The following PTRH1 variants were observed in gnomAD, a reference collection of about 807,000 sequenced individuals.
PTRH1 encodes the protein peptidyl-tRNA hydrolase.
A neutral mutation model predicts 15.7 loss-of-function variants in PTRH1; 13 were observed. That is an observed-to-expected ratio of 0.83 (90% confidence interval 0.54 to 1.31). The LOEUF (loss-of-function observed/expected upper bound fraction) is 1.31. Ranked by LOEUF, PTRH1 falls within the 40% of genes most tolerant of loss-of-function variation. PTRH1 has a pLI of 0.00. For synonymous variants in PTRH1, 139 were observed against 136.7 expected, an observed-to-expected ratio of 1.02 and a Z score of -0.12; for missense variants, 319 against 296.2, an observed-to-expected ratio of 1.08 and a Z score of -0.56.
At chr9:127,713,537 C>T (rs1255916182), downstream of PTRH1, 2 of 187,460 alleles carry the variant, frequency 1.1e-5, no homozygotes, top group Non-Finnish European at 9.6e-6. Context: ...GACAGAGTCT[C>T]ACTCTGTCAC....
intron 1 of PTRH1, chr9:127,706,928 T>C: frequency 7.1e-7 from 1 of 1,414,940 alleles, no homozygotes; most frequent in Non-Finnish European, 9.6e-7. Context: ...AGGGTCCCTT[T>C]AAGCCCAGCC....
At chr9:127,695,185 C>T (rs1220760018) in intron 1 of PTRH1, 3 of 657,960 alleles carry the variant, frequency 4.6e-6, no homozygotes, top group East Asian at 2.7e-5. Context: ...TAAAAAAGCC[C>T]AATGCTCATC....
chr9:127,712,944 G>A, downstream of PTRH1: 1 of 1,590,426 alleles, frequency 6.3e-7, no homozygotes, highest in Non-Finnish European at 8.6e-7. Context: ...TCAGCCATGG[G>A]GACAGTGCTC....
At chr9:127,712,182 T>C (rs372366207), downstream of PTRH1, 1,153 of 1,613,440 alleles carry the variant, frequency 7.1e-4, no homozygotes, top group Non-Finnish European at 9.2e-4. Context: ...TGTTGACTCA[T>C]CCCAGTTGGG....
chr9:127,699,890 C>G (rs1363743421), intron 1 of PTRH1, among the ~76,000 whole-genome samples: 1 of 152,048 alleles, frequency 6.6e-6, no homozygotes, highest in Non-Finnish European at 1.5e-5. Flanking sequence ...GGAGAAGTTA[C>G]TTAACCTCAA....
chr9:127,702,697 C>T (rs1416446496), intron 1 of PTRH1, among the ~76,000 whole-genome samples: 1 of 151,826 alleles, frequency 6.6e-6, no homozygotes, highest in Non-Finnish European at 1.5e-5. Flanking sequence ...GCTTTGCCAA[C>T]GTTTGTCATT....
At position 127,696,327 on chromosome 9, in the gene PTRH1, C is replaced by T. The variant is rs143525747; in HGVS notation, c.206-1186G>A. Among the ~76,000 whole-genome samples, 759 of 152,308 alleles carry T rather than the reference C, an allele frequency of 5.0e-3. 7 individuals carry two copies. The highest frequency in any genetic ancestry group is 0.018 in the African/African-American group (731 of 41,556). On this transcript the variant is annotated intron_variant, in intron 1 of 2. Coordinates refer to the PTRH1 transcript ENST00000335223. The stretch of plus-strand genomic sequence containing the variant: ...CTCCAGCTGGGACAACAGCAAGACC[C>T]TGTCTGTAAATAAATAATATATGGC...
At chr9:127,699,451 T>C (rs1842587747) in intron 1 of PTRH1, among the ~76,000 whole-genome samples, 1 of 152,128 alleles carries the variant, frequency 6.6e-6, no homozygotes, top group South Asian at 2.1e-4. Flanking sequence ...CTAGTAAGCG[T>C]CTACTAGCCG....
downstream of PTRH1, chr9:127,711,784 C>G: frequency 1.9e-6 from 3 of 1,543,604 alleles, no homozygotes; most frequent in Non-Finnish European, 2.6e-6. Context: ...GGGGACAGGG[C>G]AGGCTGAGGG....
chr9:127,712,112 G>C, downstream of PTRH1: 2 of 1,554,628 alleles, frequency 1.3e-6, no homozygotes, highest in Non-Finnish European at 1.7e-6. Flanking sequence ...CTGTGGGCTT[G>C]GAGAGAAATG....
intron 1 of PTRH1, among the ~76,000 whole-genome samples, chr9:127,701,108 G>C (rs779907146): frequency 1.3e-5 from 2 of 152,154 alleles, no homozygotes; most frequent in Non-Finnish European, 2.9e-5. Flanking sequence ...TGCTGAATAT[G>C]TATGTTTAGC....
At chr9:127,711,298 G>A (rs775870656), downstream of PTRH1, 1 of 1,614,070 alleles carries the variant, frequency 6.2e-7, no homozygotes, top group Non-Finnish European at 8.5e-7. Flanking sequence ...CCACGAACCG[G>A]ATGTGGGAGA....
intron 1 of PTRH1, among the ~76,000 whole-genome samples, chr9:127,706,759 T>G (rs1192346335): frequency 6.6e-6 from 1 of 152,162 alleles, no homozygotes; most frequent in East Asian, 1.9e-4. Context: ...GGCGCTTATT[T>G]CCACGTGGGA....
downstream of PTRH1, chr9:127,711,645 T>C: frequency 8.3e-7 from 1 of 1,199,942 alleles, no homozygotes; most frequent in Non-Finnish European, 1.2e-6. Context: ...GGCTGCAGGG[T>C]GCTGGGCCTA....
chr9:127,701,210 C>T (rs919711372), intron 1 of PTRH1, among the ~76,000 whole-genome samples: 1 of 152,188 alleles, frequency 6.6e-6, no homozygotes, highest in African/African-American at 2.4e-5. Context: ...TGTGGGATGA[C>T]CACCTTGCAG....
chr9:127,713,222 G>A (rs1842810030), downstream of PTRH1: 4 of 1,514,948 alleles, frequency 2.6e-6, no homozygotes, highest in South Asian at 1.3e-5. Flanking sequence ...GGTGCCAGGG[G>A]CCCCAGGGAA....
chr9:127,711,714 G>A (rs1023411684), downstream of PTRH1: 1 of 1,327,948 alleles, frequency 7.5e-7, no homozygotes, highest in Non-Finnish European at 1.0e-6. Context: ...TCCAGCCCTG[G>A]AGAGCTCACT....
downstream of PTRH1, chr9:127,713,032 C>T (rs1842804395): frequency 6.2e-7 from 1 of 1,613,442 alleles, no homozygotes; most frequent in East Asian, 2.2e-5. Flanking sequence ...GGCCCAGCAT[C>T]CAGCTGCCCA....
At chr9:127,694,667 C>A (rs72752815) in intron 2 of PTRH1, among the ~76,000 whole-genome samples, 4,700 of 152,146 alleles carry the variant, frequency 0.031, 91 homozygotes, top group Non-Finnish European at 0.042. Flanking sequence ...GGTGCACAGG[C>A]CCCCAGCAGT....
Sources: gnomAD v4.1 joint callset for allele counts (sites outside exome capture counted in the v4.1 genomes callset) on GRCh38, gnomAD v4.1.1 for gene constraint, MANE v1.5 for transcripts, NCBI Gene and HGNC (gene_info 2026-07-23, HGNC 2026-07-21) for gene names.